Variants in KLHL29 observed in about 807,000 individuals in gnomAD.
The protein encoded by KLHL29 is kelch like family member 29.
KLHL29 carries 21 observed loss-of-function variants against 80.4 expected under a neutral mutation model. That is an observed-to-expected ratio of 0.26 (90% CI 0.19 to 0.38). The LOEUF (loss-of-function observed/expected upper bound fraction) is 0.38, where lower values mean the gene tolerates loss of function less well. Among genes scored for constraint, KLHL29 ranks in the 10% least tolerant of loss-of-function variants. KLHL29 has a pLI of 1.00. For synonymous variants in KLHL29, 511 were observed against 526.8 expected, an observed-to-expected ratio of 0.97 and a Z score of 0.41; for missense variants, 867 against 1,223.9, an observed-to-expected ratio of 0.71 and a Z score of 4.35.
At chr2:23,640,499 G>C (rs554181430) in intron 4 of KLHL29, among the ~76,000 whole-genome samples, 3 of 152,250 alleles carry the variant, frequency 2.0e-5, no homozygotes, top group Admixed American at 6.5e-5. Flanking sequence ...CCTGGAAAGA[G>C]CAGAGCTTGG....
rs1316554283 is a variant in KLHL29, at chr2:23,644,923, GACA to G, written c.940+2079_940+2081del. Reference sequence around the variant, plus strand: ...GCGGGACCCACCAGCTCTAGCCAGTGACAACAACTGACCGGTCCATCACCCTGA... The same window carrying G: ...GCGGGACCCACCAGCTCTAGCCAGTGACAACTGACCGGTCCATCACCCTGA... On this transcript the variant is annotated intron_variant, in intron 5 of 13. Transcript: ENST00000486442. Among the ~76,000 whole-genome samples the G allele has an allele frequency of 4.6e-5, 7 of 152,218 alleles. No homozygotes were observed. In the East Asian group the frequency reaches 7.7e-4, roughly 17 times the overall value.
At chr2:23,557,751 C>G (rs774103613) in intron 2 of KLHL29, among the ~76,000 whole-genome samples, 1 of 152,134 alleles carries the variant, frequency 6.6e-6, no homozygotes, top group South Asian at 2.1e-4. Flanking sequence ...AGTGCGTACC[C>G]TCCTCACCTC....
At chr2:23,551,408 G>A (rs1462595963) in intron 2 of KLHL29, among the ~76,000 whole-genome samples, 1 of 152,110 alleles carries the variant, frequency 6.6e-6, no homozygotes, top group Non-Finnish European at 1.5e-5. Flanking sequence ...GGTGCACATG[G>A]GAAGGGAGGG....
chr2:23,443,017 A>G (rs369174558), intron 1 of KLHL29, among the ~76,000 whole-genome samples: 1 of 152,122 alleles, frequency 6.6e-6, no homozygotes, highest in African/African-American at 2.4e-5. Flanking sequence ...ATGTGATACC[A>G]CTTCAGGCCC....
At position 23,545,270 on chromosome 2, in the gene KLHL29, G is replaced by A. The variant is rs79265827; in HGVS notation, c.-45-16882G>A. Among the ~76,000 whole-genome samples the A allele has an allele frequency of 4.7e-3, 719 of 152,282 alleles. 12 individuals are homozygous for A. In the East Asian group the frequency reaches 0.055, roughly 12 times the overall value. On this transcript the variant is annotated intron_variant, in intron 2 of 13. Coordinates refer to ENST00000486442, the MANE Select transcript of KLHL29 (RefSeq NM_052920.2). Reference sequence around the variant, plus strand: ...AAAGAAGAGCACTGGCTTCAGAGTCGGGCACAAGAGCCTCCTTCCAAGCAC... The same window carrying A: ...AAAGAAGAGCACTGGCTTCAGAGTCAGGCACAAGAGCCTCCTTCCAAGCAC...
In KLHL29 at chr2:23,562,507, A is replaced by G; in HGVS notation, c.285+26A>G. 2.0e-6 allele frequency: 3 copies of G among 1,533,536 alleles called. No homozygotes were observed. The South Asian group carries it at 3.6e-5, about 18-fold the overall frequency. The allele number at this position is 1,533,536 out of a possible 1,614,324, so 95.0% of individuals were successfully genotyped here. On this transcript the variant is annotated intron_variant, in intron 3 of 13. Coordinates refer to ENST00000486442, the MANE Select transcript of KLHL29 (RefSeq NM_052920.2). The surrounding 1 kb of genome is among the most constrained non-coding windows in gnomAD (Gnocchi z 4.5). ...GTAAGATGTGGTGTCATCTCTGAGCAGGAGCCGGACAGAGGGGCCCTGCCT... is the reference window on the plus strand; with the variant it reads ...GTAAGATGTGGTGTCATCTCTGAGCGGGAGCCGGACAGAGGGGCCCTGCCT...
intron 2 of KLHL29, among the ~76,000 whole-genome samples, chr2:23,500,155 C>T (rs1265915482): frequency 2.6e-5 from 4 of 152,110 alleles, no homozygotes; most frequent in Non-Finnish European, 5.9e-5. Flanking sequence ...AAGGGAACAG[C>T]AGGATATTCA....
chr2:23,597,072 G>C (rs1173060467), intron 3 of KLHL29, among the ~76,000 whole-genome samples: 2 of 152,100 alleles, frequency 1.3e-5, no homozygotes, highest in South Asian at 2.1e-4. Context: ...AGCTCTCTCT[G>C]AAACCCAGGC....
chr2:23,539,432 C>CTTTT (rs869075602), intron 2 of KLHL29, among the ~76,000 whole-genome samples: 1 of 25,744 alleles, frequency 3.9e-5, no homozygotes, highest in Non-Finnish European at 6.5e-5. Flanking sequence ...ATCCTGCCTC[C>CTTTT]TTTTTTTTTT....
At chr2:23,533,041 T>C (rs967791537) in intron 2 of KLHL29, among the ~76,000 whole-genome samples, 4 of 152,188 alleles carry the variant, frequency 2.6e-5, no homozygotes, top group African/African-American at 7.2e-5. Context: ...TGGCCTGGTC[T>C]TTGACGAGTT....
chr2:23,454,979 C>G (rs573323300), intron 1 of KLHL29, among the ~76,000 whole-genome samples: 1 of 129,612 alleles, frequency 7.7e-6, no homozygotes, highest in African/African-American at 2.9e-5. Flanking sequence ...TTTGACAACT[C>G]GTAGAAACAG....
Position 23,695,912 on chromosome 2 carries a change from T to C in KLHL29, c.1742-39T>C. On this transcript the variant is annotated intron_variant, in intron 9 of 13. Coordinates refer to ENST00000486442, the MANE Select transcript of KLHL29 (RefSeq NM_052920.2). The surrounding 1 kb of genome is among the most constrained non-coding windows in gnomAD (Gnocchi z 7.6). Reference sequence around the variant, plus strand: ...TGCCAGGCACAGATGCCGACAGTCTTAGAGTGTGTCCCAAGGGCGCCCATC... The same window carrying C: ...TGCCAGGCACAGATGCCGACAGTCTCAGAGTGTGTCCCAAGGGCGCCCATC... 6.5e-7 allele frequency: 1 copy of C among 1,545,336 alleles called. No homozygotes were observed. Among genetic ancestry groups the C allele is most frequent in the Non-Finnish European group, 8.7e-7 (1 of 1,144,618 alleles).
intron 1 of KLHL29, among the ~76,000 whole-genome samples, chr2:23,459,146 T>G (rs1664141882): frequency 1.3e-5 from 2 of 152,086 alleles, no homozygotes; most frequent in Non-Finnish European, 2.9e-5. Flanking sequence ...CCTGATTAGA[T>G]GGTTACATCT....
chr2:23,430,596 G>T (rs1182566933), intron 1 of KLHL29, among the ~76,000 whole-genome samples: 2 of 152,178 alleles, frequency 1.3e-5, no homozygotes, highest in Non-Finnish European at 2.9e-5. Context: ...TTACATCAGT[G>T]CCCAGTGCCG....
Position 23,681,396 on chromosome 2 carries a change from C to A in KLHL29, c.941-3003C>A, listed in dbSNP as rs1417011110. On this transcript the variant is annotated intron_variant, in intron 5 of 13. Coordinates refer to ENST00000486442, the MANE Select transcript of KLHL29 (RefSeq NM_052920.2). The surrounding 1 kb of genome is among the most constrained non-coding windows in gnomAD (Gnocchi z 4.2). ...CCTTCCAGGTCTAGCTCCAGAATTC[C>A]TGGAGCAGAAGGTGTCACGGCCGGG... Among the ~76,000 whole-genome samples, 2 of 152,180 alleles carry A rather than the reference C, an allele frequency of 1.3e-5. No homozygotes were observed. Among genetic ancestry groups the A allele is most frequent in the Admixed American group, 1.3e-4 (2 of 15,286 alleles).
At chr2:23,402,827 CAT>C (rs1425561748) in intron 1 of KLHL29, among the ~76,000 whole-genome samples, 1 of 151,456 alleles carries the variant, frequency 6.6e-6, no homozygotes, top group Admixed American at 6.6e-5. Context: ...TTAATTAATA[CAT>C]GTGTGTCCCT....
In KLHL29 at chr2:23,663,642, G is replaced by A. The variant is rs1264680404; in HGVS notation, c.941-20757G>A. On this transcript the variant is annotated intron_variant, in intron 5 of 13. Transcript: ENST00000486442. ...TTCCGGAGTGATATTATACATGGCT[G>A]TAAGCTATTGACTGAGCGATTGCCG... Among the ~76,000 whole-genome samples the A allele has an allele frequency of 3.3e-5, 5 of 152,370 alleles. No individual in the cohort carries two copies. The East Asian group carries it at 9.6e-4, about 29-fold the overall frequency.
intron 3 of KLHL29, among the ~76,000 whole-genome samples, chr2:23,588,037 C>T (rs559901289): frequency 6.6e-6 from 1 of 152,336 alleles, no homozygotes; most frequent in South Asian, 2.1e-4. Context: ...ATCCCATCCA[C>T]GGCCCTCACC....
intron 1 of KLHL29, among the ~76,000 whole-genome samples, chr2:23,441,327 G>T (rs13417618): frequency 0.49 from 47,708 of 97,918 alleles, 9,896 homozygotes; most frequent in African/African-American, 0.59. Context: ...TGGGGACTGT[G>T]GCGGGGTGGG....
Sources: allele counts gnomAD v4.1 joint callset (sites outside exome capture counted in the v4.1 genomes callset), GRCh38; gene constraint gnomAD v4.1.1; non-coding constraint Gnocchi (gnomAD v3.1); transcripts MANE v1.5; gene names NCBI Gene and HGNC (gene_info 2026-07-23, HGNC 2026-07-21).